Variants in DOCK1 observed in about 807,000 individuals in gnomAD.
The protein encoded by DOCK1 is dedicator of cytokinesis protein 1.
Under a neutral mutation model 262.7 loss-of-function variants are expected in DOCK1, and 138 were observed. That is an observed-to-expected ratio of 0.53 (90% confidence interval 0.46 to 0.61). The LOEUF is 0.61. DOCK1 is among the 20% of genes least tolerant of loss of function. The pLI, the probability that DOCK1 is intolerant of heterozygous loss-of-function variation, is 0.00. For missense variants in DOCK1, 1,908 were observed against 2,370.7 expected, an observed-to-expected ratio of 0.80 and a Z score of 4.05; for synonymous variants, 866 against 867.4, an observed-to-expected ratio of 1.00 and a Z score of 0.03.
chr10:127,121,453 A>ATGTGTGTGTGTGTG (rs755217555), intron 25 of DOCK1, among the ~76,000 whole-genome samples: 301 of 25,780 alleles, frequency 0.012, no homozygotes, highest in Middle Eastern at 0.023. Flanking sequence ...GGGTATATGT[A>ATGTGTGTGTGTGTG]TATGTGTGTG....
intron 27 of DOCK1, chr10:127,135,528 G>C (rs1219351079): frequency 6.6e-6 from 1 of 152,564 alleles, no homozygotes; most frequent in Non-Finnish European, 1.5e-5. Flanking sequence ...CTACATAAGG[G>C]AACCCTGTGC....
At chr10:127,121,661 G>A (rs751705663) in intron 25 of DOCK1, among the ~76,000 whole-genome samples, 7 of 152,284 alleles carry the variant, frequency 4.6e-5, no homozygotes, top group Non-Finnish European at 1.0e-4. Flanking sequence ...CTTAAAAAAT[G>A]AGGTTTTAAG....
intron 37 of DOCK1, among the ~76,000 whole-genome samples, chr10:127,384,257 T>A (rs906989122): frequency 3.3e-5 from 5 of 152,222 alleles, no homozygotes; most frequent in African/African-American, 1.2e-4. Context: ...ACTGCACCAA[T>A]GCTTCCAGGA....
chr10:126,952,015 A>G (rs2036293895), intron 1 of DOCK1, among the ~76,000 whole-genome samples: 2 of 151,872 alleles, frequency 1.3e-5, no homozygotes, highest in Admixed American at 6.6e-5. Flanking sequence ...AGGCCCAGCT[A>G]ATTTTTGTAT....
chr10:127,115,962 T>C (rs958610647), intron 25 of DOCK1, among the ~76,000 whole-genome samples: 1 of 152,358 alleles, frequency 6.6e-6, no homozygotes, highest in East Asian at 1.9e-4. Context: ...TGTGTACTTA[T>C]CATTTTGTCC....
chr10:127,410,065 C>G (rs1376736086), intron 42 of DOCK1, among the ~76,000 whole-genome samples: 1 of 152,220 alleles, frequency 6.6e-6, no homozygotes, highest in African/African-American at 2.4e-5. Context: ...AAATATTAAT[C>G]TCTTTGATGA....
chr10:127,310,462 A>G (rs989738263), intron 29 of DOCK1, among the ~76,000 whole-genome samples: 2 of 152,176 alleles, frequency 1.3e-5, no homozygotes, highest in Admixed American at 6.5e-5. Flanking sequence ...TATGGATTTG[A>G]TAAGAAACAA....
chr10:127,259,002 G>A (rs2059920997), intron 29 of DOCK1, among the ~76,000 whole-genome samples: 1 of 152,104 alleles, frequency 6.6e-6, no homozygotes, highest in Admixed American at 6.5e-5. Context: ...TGTGTACCGT[G>A]GCTGCGGGAG....
At position 127,401,269 on chromosome 10, in the gene DOCK1, G is replaced by T. The variant is rs553050691; in HGVS notation, c.3928-1786G>T. 5.3e-5 allele frequency among the ~76,000 whole-genome samples: 8 copies of T among 152,250 alleles called. No individual in the cohort carries two copies. In the East Asian group the frequency reaches 1.5e-3, roughly 29 times the overall value. On this transcript the variant is annotated intron_variant, in intron 38 of 51. Transcript: ENST00000623213. ...CGTCTCCCACGTGGCGGTGTTACTGGCCGCAAATCTGTATAGCTCTGCAGC... is the reference window on the plus strand; with the variant it reads ...CGTCTCCCACGTGGCGGTGTTACTGTCCGCAAATCTGTATAGCTCTGCAGC...
At chr10:127,307,268 C>T (rs979926857) in intron 29 of DOCK1, among the ~76,000 whole-genome samples, 11 of 152,182 alleles carry the variant, frequency 7.2e-5, no homozygotes, top group Non-Finnish European at 1.2e-4. Context: ...GCATTGTCCC[C>T]GGCCTGGGCT....
chr10:127,149,063 G>A (rs2052206662), intron 27 of DOCK1, among the ~76,000 whole-genome samples: 1 of 152,128 alleles, frequency 6.6e-6, no homozygotes, highest in African/African-American at 2.4e-5. Context: ...TTGCCAATAA[G>A]GGAGAGGTGT....
chr10:127,237,477 A>G (rs1319596450), intron 27 of DOCK1, among the ~76,000 whole-genome samples: 1 of 152,122 alleles, frequency 6.6e-6, no homozygotes, highest in Non-Finnish European at 1.5e-5. Flanking sequence ...TACAACTTCC[A>G]CTGTATTTTG....
In DOCK1 at chr10:127,226,614, C is replaced by T. The variant is rs541961195; in HGVS notation, c.2848-21394C>T. On this transcript the variant is annotated intron_variant, in intron 27 of 51. Coordinates refer to ENST00000623213, the MANE Select transcript of DOCK1 (RefSeq NM_001290223.2). ...CAACAATTAGCTGGGCATGGTGGTG[C>T]GTGCCTGTAATCCCAAGTACTCAGG... 1.7e-4 allele frequency among the ~76,000 whole-genome samples: 26 copies of T among 151,970 alleles called. 1 individual carries two copies. Among genetic ancestry groups the T allele is most frequent in the Admixed American group, 1.4e-3 (21 of 15,258 alleles).
At chr10:127,407,881 C>T (rs907175991) in intron 40 of DOCK1, among the ~76,000 whole-genome samples, 5 of 152,094 alleles carry the variant, frequency 3.3e-5, no homozygotes, top group East Asian at 3.9e-4. Flanking sequence ...GGCTTCTGCT[C>T]GCTGTCTTCT....
chr10:127,259,576 C>T lies in DOCK1; in HGVS notation c.3044+2147C>T, dbSNP rs368366024. Among the ~76,000 whole-genome samples, 24 of 152,202 alleles carry T rather than the reference C, an allele frequency of 1.6e-4. No homozygotes were observed. In the East Asian group the frequency reaches 2.9e-3, roughly 19 times the overall value. The stretch of plus-strand genomic sequence containing the variant: ...GGCGGCCCGTGTGGATGCTGCTCTC[C>T]ACCTCTTGACTCCTCTACGTGTAGA... On this transcript the variant is annotated intron_variant, in intron 29 of 51. Transcript: ENST00000623213.
chr10:127,451,401 T>G lies in DOCK1; in HGVS notation c.5635T>G (p.Ser1879Ala). 6.3e-7 allele frequency: 1 copy of G among 1,590,534 alleles called. No individual in the cohort carries two copies. Among genetic ancestry groups the G allele is most frequent in the South Asian group, 1.2e-5 (1 of 86,684 alleles). ...PPPKTTRKQA[S>A]VDSGIVQ is the part of the protein sequence containing the mutation. ...TCCAAAGACAACTCGCAAGCAGGCA[T>G]CGGTGGACTCCGGGATCGTGCAGTG... The change falls in exon 52 of 52, where the codon TCG becomes GCG. Residue 1879 changes from serine to alanine, a missense_variant. Transcript: ENST00000623213.
rs1195681814 is a variant in DOCK1 at position 127,312,124 on chromosome 10, G to C, written c.3045-26882G>C. On this transcript the variant is annotated intron_variant, in intron 29 of 51. Transcript: ENST00000623213. ...TTCAAATGGTGGCTTTTGTTTTCATGGCATTCTGTCATGAACCCAGAGCTC... is the reference window on the plus strand; with the variant it reads ...TTCAAATGGTGGCTTTTGTTTTCATCGCATTCTGTCATGAACCCAGAGCTC... Among the ~76,000 whole-genome samples, 4 of 152,078 alleles carry C rather than the reference G, an allele frequency of 2.6e-5. No individual in the cohort carries two copies. The East Asian group carries it at 7.7e-4, about 29-fold the overall frequency.
chr10:127,274,221 A>T (rs1436675523), intron 29 of DOCK1, among the ~76,000 whole-genome samples: 1 of 152,070 alleles, frequency 6.6e-6, no homozygotes, highest in Non-Finnish European at 1.5e-5. Context: ...TGGAGCTTGG[A>T]TTTGGGGTTG....
chr10:127,228,720 C>T (rs918218904), intron 27 of DOCK1, among the ~76,000 whole-genome samples: 9 of 152,152 alleles, frequency 5.9e-5, no homozygotes, highest in Non-Finnish European at 1.3e-4. Flanking sequence ...TGTTTTTGTT[C>T]CATGTGGAAA....
Sources: gnomAD v4.1 joint callset for allele counts (sites outside exome capture counted in the v4.1 genomes callset) on GRCh38, gnomAD v4.1.1 for gene constraint, MANE v1.5 for transcripts, NCBI Gene and HGNC (gene_info 2026-07-23, HGNC 2026-07-21) for gene names.